POU6F2: variants seen among roughly 807,000 people sequenced by gnomAD.
The protein encoded by POU6F2 is POU domain, class 6, transcription factor 2.
A neutral mutation model predicts 71.3 loss-of-function variants in POU6F2; 31 were observed. The ratio of observed to expected loss-of-function variants is 0.43; its 90% CI spans 0.33 to 0.59. The LOEUF is 0.59. Among genes scored for constraint, POU6F2 ranks in the 20% least tolerant of loss-of-function variants. POU6F2 has a pLI of 0.04. For missense variants in POU6F2, 783 were observed against 856.8 expected (o/e 0.91, Z 1.07); for synonymous variants, 347 against 355.7 (o/e 0.98, Z 0.27).
intron 6 of POU6F2, among the ~76,000 whole-genome samples, chr7:39,426,742 A>G (rs1245499715): frequency 1.3e-5 from 2 of 152,210 alleles, no homozygotes; most frequent in Non-Finnish European, 2.9e-5. Flanking sequence ...CCTTGAGGTA[A>G]GGAGAAAGCT....
At chr7:39,056,121 A>G (rs1790511884) in intron 1 of POU6F2, among the ~76,000 whole-genome samples, 1 of 152,070 alleles carries the variant, frequency 6.6e-6, no homozygotes, top group Non-Finnish European at 1.5e-5. Flanking sequence ...TTTCCCATAT[A>G]AAATATGAAT....
At chr7:39,322,095 A>G (rs1419692561) in intron 4 of POU6F2, among the ~76,000 whole-genome samples, 1 of 152,194 alleles carries the variant, frequency 6.6e-6, no homozygotes, top group Non-Finnish European at 1.5e-5. Context: ...GTTCTCATTC[A>G]TTGTGAGTAG....
chr7:39,012,921 T>C (rs1789343203), intron 1 of POU6F2, among the ~76,000 whole-genome samples: 1 of 152,220 alleles, frequency 6.6e-6, no homozygotes. Context: ...ACCACTGCTC[T>C]CTTCAAAGCT....
At chr7:38,978,313 A>T (rs1317980831) in intron 1 of POU6F2, among the ~76,000 whole-genome samples, 1 of 152,222 alleles carries the variant, frequency 6.6e-6, no homozygotes, top group African/African-American at 2.4e-5. Flanking sequence ...CTAATTTATA[A>T]TTTGGTCTGA....
chr7:39,074,441 C>T (rs1027603980), intron 1 of POU6F2, among the ~76,000 whole-genome samples: 5 of 151,906 alleles, frequency 3.3e-5, no homozygotes, highest in Non-Finnish European at 7.4e-5. Context: ...GATCACGCCA[C>T]TGCACTCCAG....
At chr7:39,444,422 A>G (rs1788476965) in intron 7 of POU6F2, among the ~76,000 whole-genome samples, 1 of 152,200 alleles carries the variant, frequency 6.6e-6, no homozygotes, top group Admixed American at 6.5e-5. Flanking sequence ...CGTCTCTACT[A>G]AAATACAAAA....
chr7:39,029,490 G>T (rs201975731), intron 1 of POU6F2, among the ~76,000 whole-genome samples: 32,171 of 150,698 alleles, frequency 0.21, 3,617 homozygotes, highest in South Asian at 0.37. Context: ...TAACATTTCT[G>T]GGAGGGGGGG....
intron 4 of POU6F2, among the ~76,000 whole-genome samples, chr7:39,253,538 C>T (rs927556422): frequency 1.3e-5 from 2 of 152,210 alleles, no homozygotes; most frequent in African/African-American, 4.8e-5. Context: ...CACACAGCTT[C>T]TAATGAGGGA....
chr7:39,396,026 G>A (rs886863678), intron 5 of POU6F2, among the ~76,000 whole-genome samples: 2 of 152,158 alleles, frequency 1.3e-5, no homozygotes, highest in Non-Finnish European at 2.9e-5. Flanking sequence ...GGTAAGAGTA[G>A]CACTATTGTA....
chr7:39,125,534 A>G (rs1383548932), intron 2 of POU6F2, among the ~76,000 whole-genome samples: 1 of 152,108 alleles, frequency 6.6e-6, no homozygotes, highest in Non-Finnish European at 1.5e-5. Context: ...TAAAAAATAT[A>G]TTACATTTTT....
intron 5 of POU6F2, among the ~76,000 whole-genome samples, chr7:39,377,678 A>G (rs916142330): frequency 1.3e-5 from 2 of 151,986 alleles, no homozygotes; most frequent in African/African-American, 4.8e-5. Context: ...ATTTAAATAT[A>G]CTTGTTTTGC....
chr7:38,991,187 T>C (rs1449743693), intron 1 of POU6F2, among the ~76,000 whole-genome samples: 1 of 152,136 alleles, frequency 6.6e-6, no homozygotes, highest in Non-Finnish European at 1.5e-5. Context: ...GTCCCTAACT[T>C]AACCAATTAT....
chr7:39,107,719 C>T (rs752650666), intron 2 of POU6F2, among the ~76,000 whole-genome samples: 1 of 152,042 alleles, frequency 6.6e-6, no homozygotes, highest in Admixed American at 6.5e-5. Flanking sequence ...AATGCAGTGT[C>T]CTTATTGCCC....
intron 1 of POU6F2, among the ~76,000 whole-genome samples, chr7:39,041,627 A>G (rs1488202453): frequency 6.6e-6 from 1 of 151,912 alleles, no homozygotes; most frequent in East Asian, 1.9e-4. Context: ...CCTTTATATT[A>G]TGGATACTAC....
intron 2 of POU6F2, among the ~76,000 whole-genome samples, chr7:39,097,813 A>C (rs548187941): frequency 1.3e-5 from 2 of 152,338 alleles, no homozygotes; most frequent in South Asian, 4.1e-4. Context: ...CCCCACCCTG[A>C]AATAGCCCAC....
At chr7:39,333,407 A>G (rs191818994) in intron 4 of POU6F2, among the ~76,000 whole-genome samples, 3 of 152,124 alleles carry the variant, frequency 2.0e-5, no homozygotes, top group African/African-American at 7.2e-5. Flanking sequence ...ATCTTGTTTC[A>G]ATTTTTTTTT....
At chr7:39,057,058 G>A (rs888238392) in intron 1 of POU6F2, among the ~76,000 whole-genome samples, 1 of 152,070 alleles carries the variant, frequency 6.6e-6, no homozygotes, top group Non-Finnish European at 1.5e-5. Context: ...CTTCATCTTG[G>A]AGAAGGGTGC....
chr7:39,012,884 T>C (rs1789341465), intron 1 of POU6F2, among the ~76,000 whole-genome samples: 1 of 152,178 alleles, frequency 6.6e-6, no homozygotes, highest in African/African-American at 2.4e-5. Flanking sequence ...CTGCCGGTTC[T>C]CAGATCTCCA....
At chr7:39,071,212 C>T (rs922652425) in intron 1 of POU6F2, among the ~76,000 whole-genome samples, 2 of 152,106 alleles carry the variant, frequency 1.3e-5, no homozygotes, top group African/African-American at 2.4e-5. Context: ...GACAGATCAT[C>T]AGGCATTAGA....
Sources: gnomAD v4.1 joint callset for allele counts (sites outside exome capture counted in the v4.1 genomes callset) on GRCh38, gnomAD v4.1.1 for gene constraint, MANE v1.5 for transcripts, NCBI Gene and HGNC (gene_info 2026-07-23, HGNC 2026-07-21) for gene names.